The following SH3TC1 variants were observed in gnomAD, a reference collection of about 807,000 sequenced individuals.
SH3TC1 encodes SH3 domain and tetratricopeptide repeats 1.
A neutral mutation model predicts 117.3 loss-of-function variants in SH3TC1; 135 were observed. The observed-to-expected ratio is 1.15, with a 90% CI of 1.00 to 1.33. SH3TC1 has a LOEUF of 1.33. SH3TC1 is among the 40% of genes most tolerant of loss of function. The pLI is 0.00. For missense variants in SH3TC1, 2,092 were observed against 1,794.3 expected (o/e 1.17, Z -3.00); for synonymous variants, 898 against 816.9 (o/e 1.10, Z -1.69).
intron 4 of SH3TC1, chr4:8,213,046 C>T: frequency 3.4e-6 from 2 of 586,302 alleles, no homozygotes; most frequent in South Asian, 2.3e-5. Flanking sequence ...GTGATCGTCC[C>T]TCTGCTCTCC....
At chr4:8,219,614 G>C in intron 9 of SH3TC1, 84 bp downstream of exon 9, 1 of 1,357,394 alleles carries the variant, frequency 7.4e-7, no homozygotes, top group Non-Finnish European at 9.7e-7. Context: ...TGGCTCCCCA[G>C]GTAACAAGCC....
chr4:8,232,457 C>T (rs1440213266), intron 13 of SH3TC1: 1 of 1,487,664 alleles, frequency 6.7e-7, no homozygotes, highest in Non-Finnish European at 9.0e-7. Context: ...GGCTGTTCTT[C>T]CTACCTGGTG....
At chr4:8,216,335 C>T (rs551548207) in intron 6 of SH3TC1, 78 bp downstream of exon 6, 58 of 1,542,154 alleles carry the variant, frequency 3.8e-5, no homozygotes, top group South Asian at 1.5e-4. Context: ...GCCTGGATCC[C>T]GCTGTGCTGA....
At chr4:8,232,962 GGGGCAGGCCAGCAAGCTATAT>G (rs1721383873) in intron 13 of SH3TC1, 5 of 1,193,474 alleles carry the variant, frequency 4.2e-6, no homozygotes, top group Non-Finnish European at 5.3e-6. Flanking sequence ...AGAAGCTCTG[GGGGCAGGCCAGCAAGCTATAT>G]GGACAGGCCT....
intron 13 of SH3TC1, chr4:8,233,080 GAC>G (rs891045532): frequency 1.1e-5 from 14 of 1,279,382 alleles, no homozygotes; most frequent in Non-Finnish European, 1.4e-5. Context: ...GTCTAGAGAA[GAC>G]ACAGGCCATG....
Position 8,206,868 on chromosome 4 carries a change from T to TGA in SH3TC1, c.172+1503_172+1504dup, listed in dbSNP as rs1561681667. ...GTGTGTGTGTGTGTGTGTGTGTGTGTGATTTTCTTCTGATCCTTTTGGGAG... is the reference window on the plus strand; with the variant it reads ...GTGTGTGTGTGTGTGTGTGTGTGTGTGAGATTTTCTTCTGATCCTTTTGGGAG... On this transcript the variant is annotated intron_variant, in intron 2 of 17. Coordinates refer to ENST00000245105, the MANE Select transcript of SH3TC1 (RefSeq NM_018986.5). This position sits in a 1 kb window ranked among gnomAD's most constrained non-coding sequence, Gnocchi z 5.5. 2.0e-5 allele frequency among the ~76,000 whole-genome samples: 3 copies of TGA among 150,204 alleles called. No individual in the cohort carries two copies. Among genetic ancestry groups the TGA allele is most frequent in the African/African-American group, 4.9e-5 (2 of 40,510 alleles).
chr4:8,219,677 C>A (rs1719713860), intron 9 of SH3TC1, 147 bp downstream of exon 9: 3 of 913,088 alleles, frequency 3.3e-6, no homozygotes, highest in Admixed American at 3.6e-5. Context: ...CAGGCTGCTG[C>A]CCCCTTGGCC....
rs750716121 is a variant in SH3TC1 at position 8,216,940 on chromosome 4, C to A, written c.629-17C>A. On this transcript the variant is annotated splice_polypyrimidine_tract_variant and intron_variant, in intron 6 of 17. Coordinates refer to ENST00000245105, the MANE Select transcript of SH3TC1 (RefSeq NM_018986.5). ...CCAGTCCGGCCACCCTCAGTGACCA[C>A]CTCCATCCTTTTGAAGGGCCCTTCT... 3 of 1,613,766 alleles carry A rather than the reference C, an allele frequency of 1.9e-6. No individual in the cohort carries two copies. The highest frequency in any genetic ancestry group is 1.3e-5 in the African/African-American group (1 of 75,028).
intron 1 of SH3TC1, chr4:8,201,461 A>G (rs1225798634): frequency 1.3e-5 from 2 of 152,374 alleles, no homozygotes; most frequent in Non-Finnish European, 2.9e-5. Flanking sequence ...GGGCCCCCCA[A>G]GGGTTTGTCC....
In SH3TC1 at chr4:8,206,225, G is replaced by C. The variant is rs954183743; in HGVS notation, c.172+859G>C. ...TTCTGCTTGAGGGTGGAGATGGGAG[G>C]GGGTGGATGGCCTCCTGCACTGATC... On this transcript the variant is annotated intron_variant, in intron 2 of 17. Coordinates refer to ENST00000245105, the MANE Select transcript of SH3TC1 (RefSeq NM_018986.5). This position sits in a 1 kb window ranked among gnomAD's most constrained non-coding sequence, Gnocchi z 5.5. 6.5e-6 allele frequency: 1 copy of C among 155,038 alleles called. No homozygotes were observed. The highest frequency in any genetic ancestry group is 1.4e-5 in the Non-Finnish European group (1 of 70,034). 9.6% of individuals were successfully genotyped at this position (155,038 alleles called of 1,614,324 possible). A position where few individuals can be genotyped will look rare whatever the true frequency, so the allele number is the denominator to read the frequency against.
intron 1 of SH3TC1, among the ~76,000 whole-genome samples, chr4:8,187,705 C>G (rs1717271836): frequency 6.6e-6 from 1 of 152,080 alleles, no homozygotes; most frequent in Non-Finnish European, 1.5e-5. Context: ...GCACGTGCCA[C>G]CGCGCCCATC....
At position 8,228,271 on chromosome 4, in the gene SH3TC1, G is replaced by A. The variant is rs760634712; in HGVS notation, c.2577G>A (p.Glu859=). ...TCCGGGATGCAGTGGTGGCCAGCGA[G>A]GACCAGGAGGGCGTGATTGCCAACA... ...QSVRDAVVAS[E]DQEGVIANMV... The change falls in exon 12 of 18, where the codon GAG becomes GAA. Residue 859 remains glutamate (E), a synonymous_variant. Transcript: ENST00000245105. The A allele has an allele frequency of 1.2e-5, 19 of 1,612,308 alleles. No individual in the cohort carries two copies. In the East Asian group the frequency reaches 1.6e-4, roughly 13 times the overall value.
At chr4:8,189,681 G>A (rs1252664656) in intron 1 of SH3TC1, among the ~76,000 whole-genome samples, 2 of 152,206 alleles carry the variant, frequency 1.3e-5, no homozygotes, top group African/African-American at 4.8e-5. Flanking sequence ...GGGGGCAGTA[G>A]GTGTCCAGTT....
intron 16 of SH3TC1, 174 bp from the exon 17 acceptor site, chr4:8,237,300 G>T: frequency 1.8e-6 from 1 of 557,484 alleles, no homozygotes; most frequent in Admixed American, 3.8e-5. Flanking sequence ...GATGGGGGCA[G>T]GCCTTATTAG....
chr4:8,230,936 C>T (rs1721144078), intron 12 of SH3TC1, among the ~76,000 whole-genome samples: 1 of 152,136 alleles, frequency 6.6e-6, no homozygotes, highest in Non-Finnish European at 1.5e-5. Context: ...TGCACCACCA[C>T]ACCCGGCTAA....
Position 8,232,153 on chromosome 4 carries a change from A to G in SH3TC1, c.3128A>G (p.Glu1043Gly), listed in dbSNP as rs1482777433. The change falls in exon 13 of 18, where the codon GAG becomes GGG. Residue 1043 changes from glutamate to glycine, a missense_variant. Glu to Gly is a moderately conservative substitution (Grantham distance 98). Coordinates refer to ENST00000245105, the MANE Select transcript of SH3TC1 (RefSeq NM_018986.5). Reference protein sequence around the residue: ...ISQLYLSLGTERAYKSALDYT... With the variant: ...ISQLYLSLGTGRAYKSALDYT... Reference sequence around the variant, plus strand: ...CAGCTCTACCTGTCCCTGGGCACCGAGCGGTGAGGGCTGGCTCTGTGGTGG... The same window carrying G: ...CAGCTCTACCTGTCCCTGGGCACCGGGCGGTGAGGGCTGGCTCTGTGGTGG... 4 of 1,272,208 alleles carry G rather than the reference A, an allele frequency of 3.1e-6. No individual in the cohort carries two copies. The Admixed American group carries it at 9.6e-5, about 31-fold the overall frequency. 78.8% of individuals were successfully genotyped at this position (1,272,208 alleles called of 1,614,324 possible).
chr4:8,202,398 T>G (rs551413400), intron 1 of SH3TC1, among the ~76,000 whole-genome samples: 4 of 152,332 alleles, frequency 2.6e-5, no homozygotes, highest in Non-Finnish European at 5.9e-5. Flanking sequence ...CACTCACGCT[T>G]CCTCCTTTGG....
intron 10 of SH3TC1, among the ~76,000 whole-genome samples, chr4:8,224,197 A>C (rs1290441896): frequency 2.6e-5 from 4 of 152,348 alleles, no homozygotes; most frequent in East Asian, 3.9e-4. Context: ...ATATGCACAC[A>C]CATATATAAA....
intron 8 of SH3TC1, among the ~76,000 whole-genome samples, chr4:8,218,888 C>T (rs1719603484): frequency 6.6e-6 from 1 of 152,094 alleles, no homozygotes; most frequent in Non-Finnish European, 1.5e-5. Context: ...CTGCCGGTGT[C>T]TGGATGGCCT....
Sources: allele counts gnomAD v4.1 joint callset (sites outside exome capture counted in the v4.1 genomes callset), GRCh38; gene constraint gnomAD v4.1.1; non-coding constraint Gnocchi (gnomAD v3.1); transcripts MANE v1.5; gene names NCBI Gene and HGNC (gene_info 2026-07-23, HGNC 2026-07-21).